The following PHTF1 variants were observed in gnomAD, a reference collection of about 807,000 sequenced individuals.
PHTF1 encodes the protein putative homeodomain transcription factor 1.
In PHTF1, 88 loss-of-function variants were observed where a neutral mutation model predicts 102.4. The ratio of observed to expected loss-of-function variants is 0.86; its 90% CI spans 0.72 to 1.03. The LOEUF (loss-of-function observed/expected upper bound fraction) is 1.03. Ranked by LOEUF, PHTF1 falls within the 50% of genes least tolerant of loss-of-function variation. PHTF1 has a pLI of 0.00. For synonymous variants in PHTF1, 289 were observed against 305.2 expected (o/e 0.95, Z 0.55); for missense variants, 814 against 909.5 (o/e 0.89, Z 1.35).
At chr1:113,722,854 A>G (rs183148999) in intron 7 of PHTF1, among the ~76,000 whole-genome samples, 1 of 151,492 alleles carries the variant, frequency 6.6e-6, no homozygotes, top group East Asian at 1.9e-4. Context: ...TGGGAGGCAG[A>G]GGTTGCAGTG....
rs774976178 is a variant in PHTF1 at position 113,711,719 on chromosome 1, C to T, written c.1047+27G>A. 2.6e-6 allele frequency: 4 copies of T among 1,545,950 alleles called. No homozygotes were observed. In the African/African-American group the frequency reaches 5.4e-5, roughly 21 times the overall value. On this transcript the variant is annotated intron_variant, in intron 10 of 18. Coordinates refer to ENST00000369604, the MANE Select transcript of PHTF1 (RefSeq NM_001323043.2). ...TAAAGTTATTACCCTCAAAAATATA[C>T]CTTGATTTCTCAAAGGGATACTTTA...
chr1:113,757,983 T>A (rs1659131203), intron 2 of PHTF1, among the ~76,000 whole-genome samples: 2 of 152,158 alleles, frequency 1.3e-5, no homozygotes, highest in South Asian at 4.1e-4. Context: ...TATTTCAAAT[T>A]AATATTACCT....
At chr1:113,720,026 C>A (rs764832545) in intron 7 of PHTF1, among the ~76,000 whole-genome samples, 30 of 152,134 alleles carry the variant, frequency 2.0e-4, no homozygotes, top group Non-Finnish European at 3.7e-4. Flanking sequence ...ACGAGACTAG[C>A]ACAGGAAAGA....
intron 3 of PHTF1, among the ~76,000 whole-genome samples, chr1:113,749,820 C>G (rs549857983): frequency 6.6e-6 from 1 of 152,218 alleles, no homozygotes; most frequent in African/African-American, 2.4e-5. Context: ...AGTTTTACTT[C>G]TTTCATTTTC....
At chr1:113,714,335 C>T (rs2101218661) in intron 7 of PHTF1, 1 of 152,320 alleles carries the variant, frequency 6.6e-6, no homozygotes, top group East Asian at 1.9e-4. Context: ...CTTGAGGTCC[C>T]TGATTCTAGG....
intron 11 of PHTF1, among the ~76,000 whole-genome samples, chr1:113,707,001 C>T (rs781485015): frequency 1.3e-5 from 2 of 151,726 alleles, no homozygotes; most frequent in African/African-American, 2.4e-5. Context: ...CACCATGGCT[C>T]GCTAGGTCCA....
intron 5 of PHTF1, among the ~76,000 whole-genome samples, chr1:113,730,112 T>C (rs1418834424): frequency 1.3e-5 from 2 of 152,148 alleles, no homozygotes; most frequent in Admixed American, 6.5e-5. Context: ...AAACTATAGC[T>C]ACCTGGTCAG....
intron 7 of PHTF1, among the ~76,000 whole-genome samples, chr1:113,716,726 A>C (rs1652099376): frequency 6.6e-6 from 1 of 152,160 alleles, no homozygotes; most frequent in Non-Finnish European, 1.5e-5. Flanking sequence ...TAAACTTCAA[A>C]CAAGAAGTAA....
chr1:113,757,549 T>G, intron 3 of PHTF1, 150 bp downstream of exon 3: 1 of 618,130 alleles, frequency 1.6e-6, no homozygotes. Context: ...AAGTGTCACT[T>G]CTCATTATGC....
intron 3 of PHTF1, among the ~76,000 whole-genome samples, chr1:113,756,539 T>C (rs1419977390): frequency 6.6e-6 from 1 of 152,190 alleles, no homozygotes; most frequent in Non-Finnish European, 1.5e-5. Context: ...ATCCATAAGA[T>C]TTAAGTAAGT....
intron 7 of PHTF1, among the ~76,000 whole-genome samples, chr1:113,718,819 C>T (rs952758093): frequency 6.6e-6 from 1 of 152,150 alleles, no homozygotes; most frequent in Non-Finnish European, 1.5e-5. Flanking sequence ...GTCCGGCCCA[C>T]GAAACCACTT....
At chr1:113,721,243 A>G (rs1652891338) in intron 7 of PHTF1, among the ~76,000 whole-genome samples, 1 of 152,248 alleles carries the variant, frequency 6.6e-6, no homozygotes, top group Admixed American at 6.5e-5. Flanking sequence ...AAAAGAATGA[A>G]GGAAAAAAAC....
At position 113,711,780 on chromosome 1, in the gene PHTF1, G is replaced by T. The variant is rs752629703; in HGVS notation, c.1013C>A (p.Ala338Asp). ...GGCTGCTGATTCAAATTCTGATTCA[G>T]CCAGACTATCTGAATCCCGCACAAT... ...CHIVRDSDSLAESEFESAAFS... is the reference protein window; with the variant it reads ...CHIVRDSDSLDESEFESAAFS... Residue 338 changes from alanine (A) to aspartate (D), a missense_variant, in exon 10 of 19, where the codon GCT becomes GAT. Ala to Asp is a moderately radical substitution (Grantham distance 126). Transcript: ENST00000369604. 1 of 1,613,916 alleles carries T rather than the reference G, an allele frequency of 6.2e-7. No individual in the cohort carries two copies. Among genetic ancestry groups the T allele is most frequent in the Non-Finnish European group, 8.5e-7 (1 of 1,179,818 alleles).
At chr1:113,743,402 C>A (rs1020516142) in intron 3 of PHTF1, among the ~76,000 whole-genome samples, 3 of 152,104 alleles carry the variant, frequency 2.0e-5, no homozygotes, top group Non-Finnish European at 2.9e-5. Context: ...CTCCTATGAT[C>A]ACAATGCCTT....
Position 113,704,106 on chromosome 1 carries a change from G to GA in PHTF1, c.1864dup (p.Ser622PhefsTer15). The GA allele has an allele frequency of 6.2e-7, 1 of 1,612,858 alleles. No individual in the cohort carries two copies. Among genetic ancestry groups the GA allele is most frequent in the Non-Finnish European group, 8.5e-7 (1 of 1,178,980 alleles). ...CTGAGCACAACAAATGAAAGCAATCGAAAGTGTCAGTAGGAAAACCGAGGA... is the reference window on the plus strand; with the variant it reads ...CTGAGCACAACAAATGAAAGCAATCGAAAAGTGTCAGTAGGAAAACCGAGGA... On this transcript the variant is annotated frameshift_variant, in exon 15 of 19. Transcript: ENST00000369604. LOFTEE classifies it high-confidence loss of function.
At chr1:113,706,851 CTTTTTTTT>C (rs11363653) in intron 11 of PHTF1, 129 bp from the exon 12 acceptor site, 41 of 217,604 alleles carry the variant, frequency 1.9e-4, no homozygotes, top group East Asian at 3.0e-4. Flanking sequence ...TTCTTTCTTT[CTTTTTTTT>C]TTTTTTTTTT....
At chr1:113,705,814 TCA>T in intron 13 of PHTF1, 74 bp downstream of exon 13, 1 of 1,121,878 alleles carries the variant, frequency 8.9e-7, no homozygotes, top group Non-Finnish European at 1.3e-6. Context: ...AGAGACCAAA[TCA>T]AGAGAACAAA....
At chr1:113,719,033 T>C (rs1372487898) in intron 7 of PHTF1, among the ~76,000 whole-genome samples, 1 of 151,850 alleles carries the variant, frequency 6.6e-6, no homozygotes, top group Non-Finnish European at 1.5e-5. Flanking sequence ...CAGAGTCTCG[T>C]TCTGTCACCC....
At chr1:113,705,316 T>A (rs1282986070) in intron 13 of PHTF1, among the ~76,000 whole-genome samples, 1 of 152,118 alleles carries the variant, frequency 6.6e-6, no homozygotes, top group Non-Finnish European at 1.5e-5. Flanking sequence ...GGCGCAGGCC[T>A]GTAGTCCCAG....
Sources: gnomAD v4.1 joint callset for allele counts (sites outside exome capture counted in the v4.1 genomes callset) on GRCh38, gnomAD v4.1.1 for gene constraint, MANE v1.5 for transcripts, NCBI Gene and HGNC (gene_info 2026-07-23, HGNC 2026-07-21) for gene names.